Variants in LRP1-AS observed in about 807,000 individuals in gnomAD.
LRP1-AS encodes the protein LRP1 antisense RNA.
chr12:57,146,748 T>TG (rs1272400954), intron 1 of LRP1-AS: 1 of 152,392 alleles, frequency 6.6e-6, no homozygotes, highest in Non-Finnish European at 1.5e-5. Flanking sequence ...GTGTCCTCCT[T>TG]GGGGTGCTGA....
intron 1 of LRP1-AS, chr12:57,146,569 G>A (rs2035410816): frequency 6.6e-6 from 1 of 152,206 alleles, no homozygotes; most frequent in African/African-American, 2.4e-5. Flanking sequence ...TTCATTCTGG[G>A]AGAGAGAAAG....
At chr12:57,145,570 C>G in intron 1 of LRP1-AS, 1 of 1,534,068 alleles carries the variant, frequency 6.5e-7, no homozygotes, top group South Asian at 1.2e-5. Flanking sequence ...GAACAGAGGC[C>G]GGGAGTTACA....
intron 1 of LRP1-AS, chr12:57,146,571 G>A (rs2035410892): frequency 6.6e-6 from 1 of 152,240 alleles, no homozygotes. Flanking sequence ...CATTCTGGGA[G>A]AGAGAAAGGC....
At chr12:57,146,719 C>G (rs886298909) in intron 1 of LRP1-AS, 1 of 152,370 alleles carries the variant, frequency 6.6e-6, no homozygotes, top group Non-Finnish European at 1.5e-5. Flanking sequence ...CTGTCCACAG[C>G]TCACCTGTGA....
In LRP1-AS at chr12:57,145,955, ACT is replaced by A. The variant is rs543717791; in HGVS notation, n.182-874_182-873del. On this transcript the variant is annotated intron_variant and non_coding_transcript_variant, in intron 1 of 1. Transcript: ENST00000555461. Reference sequence around the variant, plus strand: ...TTCCCTCGGGGACCATTGCCAATGGACTCTCTGCTGCCATCGGGGGAGGGCAG... The same window carrying A: ...TTCCCTCGGGGACCATTGCCAATGGACTCTGCTGCCATCGGGGGAGGGCAG... Among the ~76,000 whole-genome samples the A allele has an allele frequency of 4.7e-5, 7 of 150,408 alleles. No individual in the cohort carries two copies. The South Asian group carries it at 1.1e-3, about 23-fold the overall frequency.
intron 1 of LRP1-AS, chr12:57,145,430 A>T: frequency 6.2e-7 from 1 of 1,614,082 alleles, no homozygotes; most frequent in Non-Finnish European, 8.5e-7. Flanking sequence ...GTGTGCCCGC[A>T]TGCCTGGCCT....
intron 1 of LRP1-AS, chr12:57,145,532 G>A: frequency 6.2e-7 from 1 of 1,600,180 alleles, no homozygotes; most frequent in East Asian, 2.2e-5. Flanking sequence ...GGGAGGGTAG[G>A]GGAGACAGGG....
intron 1 of LRP1-AS, among the ~76,000 whole-genome samples, chr12:57,147,114 A>C (rs770582713): frequency 1.9e-4 from 29 of 151,432 alleles, no homozygotes; most frequent in Non-Finnish European, 3.2e-4. Context: ...TGCTAAACTC[A>C]CTGGGCCTCT....
intron 1 of LRP1-AS, among the ~76,000 whole-genome samples, chr12:57,146,178 G>A (rs2035402217): frequency 6.6e-6 from 1 of 151,952 alleles, no homozygotes; most frequent in Non-Finnish European, 1.5e-5. Flanking sequence ...CCCACTGCCG[G>A]GAACAGCCCT....
intron 1 of LRP1-AS, chr12:57,145,438 C>G: frequency 6.2e-7 from 1 of 1,614,098 alleles, no homozygotes; most frequent in Non-Finnish European, 8.5e-7. Context: ...GCATGCCTGG[C>G]CTAAAGGGCT....
At position 57,145,304 on chromosome 12, in the gene LRP1-AS, G is replaced by T. The variant is rs2035380839; in HGVS notation, n.182-221C>A. Reference sequence around the variant, plus strand: ...GGCCACGTACCTGAGTGGGGCCCAGGTGTCTACCATCACACCTACGAGCAC... The same window carrying T: ...GGCCACGTACCTGAGTGGGGCCCAGTTGTCTACCATCACACCTACGAGCAC... On this transcript the variant is annotated intron_variant and non_coding_transcript_variant, in intron 1 of 1. Transcript: ENST00000555461. 1.2e-6 allele frequency: 2 copies of T among 1,614,128 alleles called. No individual in the cohort carries two copies. Among genetic ancestry groups the T allele is most frequent in the Non-Finnish European group, 1.7e-6 (2 of 1,180,014 alleles).
exon 2 of LRP1-AS, chr12:57,144,754 G>A (rs1160646341): frequency 1.4e-5 from 8 of 577,102 alleles, no homozygotes; most frequent in East Asian, 5.8e-5. Flanking sequence ...TCTTCCCTGC[G>A]TGGATGAGTG....
chr12:57,147,504 TC>T (rs2035436786), exon 1 of LRP1-AS: 1 of 152,246 alleles, frequency 6.6e-6, no homozygotes, highest in Non-Finnish European at 1.5e-5. Context: ...GCTGCAGCTT[TC>T]CCCTGCTTTC....
chr12:57,146,314 G>A (rs1005862063), intron 1 of LRP1-AS, among the ~76,000 whole-genome samples: 2 of 152,274 alleles, frequency 1.3e-5, no homozygotes, highest in Admixed American at 6.5e-5. Flanking sequence ...GACCCCCTAA[G>A]GGAGATTAAC....
intron 1 of LRP1-AS, chr12:57,147,355 C>T (rs550593769): frequency 6.6e-6 from 1 of 152,634 alleles, no homozygotes; most frequent in African/African-American, 2.4e-5. Flanking sequence ...CTAGCCCCTC[C>T]CCCAGTTTCT....
chr12:57,147,516 A>G (rs754261263), exon 1 of LRP1-AS: 1 of 151,686 alleles, frequency 6.6e-6, no homozygotes, highest in Non-Finnish European at 1.5e-5. Flanking sequence ...CCCTGCTTTC[A>G]CTCTGCCCTC....
chr12:57,145,566 A>T (rs2035388711), intron 1 of LRP1-AS: 1 of 1,545,758 alleles, frequency 6.5e-7, no homozygotes, highest in Non-Finnish European at 8.8e-7. Context: ...TCTTGAACAG[A>T]GGCCGGGAGT....
intron 1 of LRP1-AS, among the ~76,000 whole-genome samples, chr12:57,146,148 C>T (rs2035401355): frequency 6.6e-6 from 1 of 152,122 alleles, no homozygotes; most frequent in African/African-American, 2.4e-5. Context: ...GAAAGGGGCA[C>T]GAGCATAGCT....
chr12:57,144,715 C>T, exon 2 of LRP1-AS: 1 of 518,484 alleles, frequency 1.9e-6, no homozygotes, highest in African/African-American at 1.9e-5. Flanking sequence ...GCACCCCTGG[C>T]ACCTGACCCA....
Sources: gnomAD v4.1 joint callset for allele counts (sites outside exome capture counted in the v4.1 genomes callset) on GRCh38, gnomAD v4.1.1 for gene constraint, MANE v1.5 for transcripts, NCBI Gene and HGNC (gene_info 2026-07-23, HGNC 2026-07-21) for gene names.